The following TMEM178A variants were observed in gnomAD, a reference collection of about 807,000 sequenced individuals.
The protein encoded by TMEM178A is transmembrane protein 178A.
In TMEM178A, 12 loss-of-function variants were observed where a neutral mutation model predicts 29.1. The ratio of observed to expected loss-of-function variants is 0.41; its 90% confidence interval spans 0.26 to 0.67. TMEM178A has a LOEUF of 0.67. TMEM178A is among the 30% of genes least tolerant of loss of function. The pLI, the probability that TMEM178A is intolerant of heterozygous loss-of-function variation, is 0.29. For synonymous variants in TMEM178A, 210 were observed against 187.2 expected (o/e 1.12, Z -0.99); for missense variants, 366 against 419.1 (o/e 0.87, Z 1.11).
intron 2 of TMEM178A, among the ~76,000 whole-genome samples, chr2:39,705,730 GC>G (rs1672000634): frequency 6.6e-6 from 1 of 152,168 alleles, no homozygotes; most frequent in African/African-American, 2.4e-5. Flanking sequence ...CCGCCCCTAA[GC>G]TGCCCAGGAG....
At chr2:39,729,141 A>G in the TMEM178A span, among the ~76,000 whole-genome samples, 3 of 152,212 alleles carry the variant, frequency 2.0e-5, no homozygotes, top group African/African-American at 7.2e-5. Flanking sequence ...CTAGGGGACT[A>G]CACAACCAGG....
chr2:39,712,041 T>TTGTGTGTGTG (rs61303746), intron 3 of TMEM178A, among the ~76,000 whole-genome samples: 9,741 of 139,152 alleles, frequency 0.07, 419 homozygotes, highest in East Asian at 0.08. Flanking sequence ...GAATTGCATT[T>TTGTGTGTGTG]TGTGTGTGTG....
chr2:39,702,824 G>A (rs1198823482), intron 1 of TMEM178A, among the ~76,000 whole-genome samples: 1 of 152,104 alleles, frequency 6.6e-6, no homozygotes, highest in Non-Finnish European at 1.5e-5. Context: ...GAATTACTTG[G>A]GATGCTTGTT....
chr2:39,674,786 C>T (rs1273776297), intron 1 of TMEM178A, among the ~76,000 whole-genome samples: 1 of 152,148 alleles, frequency 6.6e-6, no homozygotes, highest in African/African-American at 2.4e-5. Flanking sequence ...CAGAAGATAC[C>T]CGCTGAAGAA....
intron 1 of TMEM178A, among the ~76,000 whole-genome samples, chr2:39,689,892 G>T (rs10193803): frequency 0.066 from 10,105 of 152,258 alleles, 1,033 homozygotes; most frequent in African/African-American, 0.22. Context: ...TTGAAGAGGA[G>T]AATAAGAACA....
At chr2:39,694,708 A>C (rs1671464958) in intron 1 of TMEM178A, among the ~76,000 whole-genome samples, 1 of 152,252 alleles carries the variant, frequency 6.6e-6, no homozygotes, top group African/African-American at 2.4e-5. Context: ...AAAACTATAT[A>C]AAATATCTCA....
intron 1 of TMEM178A, among the ~76,000 whole-genome samples, chr2:39,689,091 A>G (rs1287898775): frequency 6.6e-6 from 1 of 152,238 alleles, no homozygotes; most frequent in Non-Finnish European, 1.5e-5. Flanking sequence ...AGCTTGATCC[A>G]GAGTTCATTT....
downstream of TMEM178A, among the ~76,000 whole-genome samples, chr2:39,722,330 A>G (rs1261629940): frequency 6.6e-6 from 1 of 152,156 alleles, no homozygotes; most frequent in Non-Finnish European, 1.5e-5. Context: ...TTTGGGGAAA[A>G]GGGGAAAAAG....
the TMEM178A span, among the ~76,000 whole-genome samples, chr2:39,727,741 G>A: frequency 9.8e-5 from 9 of 92,114 alleles, no homozygotes; most frequent in Admixed American, 3.0e-4. Flanking sequence ...GACAGGCCCC[G>A]GTGTGTGATG....
chr2:39,717,279 C>T lies in TMEM178A; in HGVS notation c.*28C>T, dbSNP rs369677272. ...GTCCTCACTGGGCCTGTCCACAGTG[C>T]GAGCGACTCCTGAGGGGAACAGCGC... On this transcript the variant is annotated 3_prime_UTR_variant, in exon 4 of 4. Transcript: ENST00000281961. The T allele has an allele frequency of 2.5e-5, 40 of 1,606,574 alleles. No individual in the cohort carries two copies. Among genetic ancestry groups the T allele is most frequent in the South Asian group, 3.3e-5 (3 of 90,110 alleles).
intron 1 of TMEM178A, among the ~76,000 whole-genome samples, chr2:39,676,801 A>G (rs550014608): frequency 6.6e-6 from 1 of 152,238 alleles, no homozygotes; most frequent in African/African-American, 2.4e-5. Context: ...ATAGTAGGAG[A>G]AGACTGAGAA....
At chr2:39,716,918 G>A in intron 3 of TMEM178A, 92 bp from the exon 4 acceptor site, 2 of 1,440,398 alleles carry the variant, frequency 1.4e-6, no homozygotes, top group Non-Finnish European at 1.9e-6. Context: ...TGCCTCAGTG[G>A]TTGATCTGAT....
At chr2:39,701,163 A>C (rs1214427858) in intron 1 of TMEM178A, among the ~76,000 whole-genome samples, 4 of 152,260 alleles carry the variant, frequency 2.6e-5, no homozygotes, top group Admixed American at 2.6e-4. Flanking sequence ...TATTTTTTAA[A>C]TATGGGTTCA....
chr2:39,690,531 C>T (rs942005020), intron 1 of TMEM178A, among the ~76,000 whole-genome samples: 1 of 152,148 alleles, frequency 6.6e-6, no homozygotes, highest in African/African-American at 2.4e-5. Context: ...CTAAGATGCC[C>T]CCCACTGCCT....
chr2:39,689,104 A>C (rs144738957), intron 1 of TMEM178A, among the ~76,000 whole-genome samples: 3,190 of 152,332 alleles, frequency 0.021, 88 homozygotes, highest in African/African-American at 0.058. Context: ...GTTCATTTTC[A>C]TAAAGGAAAC....
At chr2:39,725,684 G>A in the TMEM178A span, among the ~76,000 whole-genome samples, 3 of 152,250 alleles carry the variant, frequency 2.0e-5, no homozygotes, top group Middle Eastern at 3.4e-3. Context: ...AATGAATGAC[G>A]CATCACTAAG....
the TMEM178A span, among the ~76,000 whole-genome samples, chr2:39,734,083 C>T: frequency 6.6e-6 from 1 of 152,184 alleles, no homozygotes; most frequent in Non-Finnish European, 1.5e-5. Context: ...TCTTTGCTCA[C>T]CTGTTCTGCA....
intron 1 of TMEM178A, among the ~76,000 whole-genome samples, chr2:39,691,954 T>A (rs1671334394): frequency 6.6e-6 from 1 of 151,968 alleles, no homozygotes; most frequent in African/African-American, 2.4e-5. Flanking sequence ...TACATATATA[T>A]GTATATAATA....
At position 39,717,356 on chromosome 2, in the gene TMEM178A, C is replaced by T; in HGVS notation, c.*105C>T. The T allele has an allele frequency of 4.8e-6, 7 of 1,455,494 alleles. No homozygotes were observed. Among genetic ancestry groups the T allele is most frequent in the South Asian group, 4.3e-5 (3 of 69,514 alleles). 90.2% of individuals were successfully genotyped at this position (1,455,494 alleles called of 1,614,324 possible). A position where few individuals can be genotyped will look rare whatever the true frequency, so the allele number is the denominator to read the frequency against. ...GGTCTTTTACATTCCAACCTGTTGCCTGCCAGCCCTTTCTGGATTACTGAT... is the reference window on the plus strand; with the variant it reads ...GGTCTTTTACATTCCAACCTGTTGCTTGCCAGCCCTTTCTGGATTACTGAT... On this transcript the variant is annotated 3_prime_UTR_variant, in exon 4 of 4. Transcript: ENST00000281961.
Sources: gnomAD v4.1 joint callset for allele counts (sites outside exome capture counted in the v4.1 genomes callset) on GRCh38, gnomAD v4.1.1 for gene constraint, MANE v1.5 for transcripts, NCBI Gene and HGNC (gene_info 2026-07-23, HGNC 2026-07-21) for gene names.